The following MACC1 variants were observed in gnomAD, a reference collection of about 807,000 sequenced individuals.
MACC1 encodes MET transcriptional regulator MACC1.
A neutral mutation model predicts 70.7 loss-of-function variants in MACC1; 79 were observed. The observed-to-expected ratio is 1.12, with a 90% CI of 0.93 to 1.35. The LOEUF is 1.35. Among genes scored for constraint, MACC1 ranks in the 40% most tolerant of loss-of-function variants. The pLI is 0.00. For synonymous variants in MACC1, 361 were observed against 347.2 expected, an observed-to-expected ratio of 1.04 and a Z score of -0.44; for missense variants, 1,106 against 978.1, an observed-to-expected ratio of 1.13 and a Z score of -1.74.
chr7:20,168,153 A>G (rs1452229166), intron 2 of MACC1, among the ~76,000 whole-genome samples: 2 of 152,112 alleles, frequency 1.3e-5, no homozygotes, highest in African/African-American at 4.8e-5. Flanking sequence ...GCATGAACAT[A>G]CCCACAACAC....
intron 3 of MACC1, among the ~76,000 whole-genome samples, chr7:20,162,836 G>A (rs1009737162): frequency 1.4e-4 from 22 of 152,136 alleles, no homozygotes; most frequent in Non-Finnish European, 1.5e-5. Flanking sequence ...TTGGAAGATA[G>A]TCTAGAGATC....
intron 1 of MACC1, among the ~76,000 whole-genome samples, chr7:20,173,899 G>A (rs542449078): frequency 1.2e-4 from 19 of 152,280 alleles, no homozygotes; most frequent in African/African-American, 3.9e-4. Flanking sequence ...GAGCAGTTGC[G>A]TCACATGAGT....
chr7:20,166,530 A>ACTTT (rs1782222363), intron 2 of MACC1, among the ~76,000 whole-genome samples: 1 of 152,176 alleles, frequency 6.6e-6, no homozygotes, highest in Non-Finnish European at 1.5e-5. Flanking sequence ...ACACAAGCAT[A>ACTTT]CTTTCTCCCA....
At chr7:20,150,505 T>C (rs1375777356) in intron 6 of MACC1, 1 of 152,174 alleles carries the variant, frequency 6.6e-6, no homozygotes, top group Non-Finnish European at 1.5e-5. Flanking sequence ...GAATAGAAGA[T>C]ACAAAGGAGT....
In MACC1 at chr7:20,158,521, C is replaced by G. The variant is rs1463777115; in HGVS notation, c.1840G>C (p.Val614Leu). The change falls in exon 5 of 7, where the codon GTC becomes CTC. Residue 614 changes from valine (V) to leucine (L), a missense_variant. Transcript: ENST00000400331. Reference protein sequence around the residue: ...GKIGLVHCKNVKVISKEQVMF... With the variant: ...GKIGLVHCKNLKVISKEQVMF... ...ACTTGCTCCTTTGAAATCACCTTGA[C>G]ATTTTTGCAGTGTACAAGTCCAATC... 6.2e-7 allele frequency: 1 copy of G among 1,614,014 alleles called. No individual in the cohort carries two copies. Among genetic ancestry groups the G allele is most frequent in the East Asian group, 2.2e-5 (1 of 44,886 alleles).
chr7:20,191,803 A>C (rs1480673700), intron 1 of MACC1, among the ~76,000 whole-genome samples: 1 of 152,242 alleles, frequency 6.6e-6, no homozygotes, highest in Non-Finnish European at 1.5e-5. Context: ...AGAAACCTAC[A>C]ACACATAAAA....
intron 1 of MACC1, among the ~76,000 whole-genome samples, chr7:20,180,319 C>A (rs1205778291): frequency 6.6e-6 from 1 of 151,202 alleles, no homozygotes; most frequent in Non-Finnish European, 1.5e-5. Flanking sequence ...GGCACGTGCC[C>A]GTAGTCCCAG....
intron 1 of MACC1, among the ~76,000 whole-genome samples, chr7:20,171,430 AT>A (rs1289345959): frequency 6.8e-6 from 1 of 146,054 alleles, no homozygotes; most frequent in Non-Finnish European, 1.5e-5. Context: ...TTTTTTTTAT[AT>A]TTTTAGTAGA....
chr7:20,149,329 T>C (rs1583381905), intron 6 of MACC1, among the ~76,000 whole-genome samples: 2 of 152,202 alleles, frequency 1.3e-5, no homozygotes, highest in Admixed American at 1.3e-4. Flanking sequence ...AGTTATATAG[T>C]TATCAAATTC....
At chr7:20,207,659 C>T (rs923121969) in intron 1 of MACC1, among the ~76,000 whole-genome samples, 1 of 152,028 alleles carries the variant, frequency 6.6e-6, no homozygotes, top group Non-Finnish European at 1.5e-5. Flanking sequence ...TAGGTATTTT[C>T]ATCAATAAAC....
chr7:20,152,369 G>A (rs1182168292), intron 6 of MACC1, among the ~76,000 whole-genome samples: 1 of 152,086 alleles, frequency 6.6e-6, no homozygotes, highest in Non-Finnish European at 1.5e-5. Flanking sequence ...TACTTGAATT[G>A]TAAATTGATC....
intron 1 of MACC1, among the ~76,000 whole-genome samples, chr7:20,177,508 T>C (rs1782412245): frequency 6.6e-6 from 1 of 152,092 alleles, no homozygotes; most frequent in Non-Finnish European, 1.5e-5. Context: ...AGGTTATATT[T>C]TCTTAGGATT....
chr7:20,138,767 G>C lies in MACC1; in HGVS notation c.*2179C>G, dbSNP rs1781754735. The stretch of plus-strand genomic sequence containing the variant: ...GGCTCACTGCAAGCTCCGCCTCCCG[G>C]GTTCACGCCATTCTCCTGCCTCAGC... On this transcript the variant is annotated 3_prime_UTR_variant, in exon 7 of 7. Coordinates refer to ENST00000400331, the MANE Select transcript of MACC1 (RefSeq NM_182762.4). The C allele has an allele frequency of 6.6e-6, 1 of 151,830 alleles. No individual in the cohort carries two copies. The highest frequency in any genetic ancestry group is 2.4e-5 in the African/African-American group (1 of 41,328). The allele number at this position is 151,830 out of a possible 1,614,324, so 9.4% of individuals were successfully genotyped here. A position where few individuals can be genotyped will look rare whatever the true frequency, so the allele number is the denominator to read the frequency against.
chr7:20,170,096 C>T (rs1444942255), intron 2 of MACC1: 1 of 152,230 alleles, frequency 6.6e-6, no homozygotes, highest in African/African-American at 2.4e-5. Context: ...TGACTGGACT[C>T]ATCACAGCAG....
chr7:20,154,709 A>C (rs1249249485), intron 5 of MACC1, among the ~76,000 whole-genome samples: 1 of 152,198 alleles, frequency 6.6e-6, no homozygotes, highest in East Asian at 1.9e-4. Flanking sequence ...TTCCAATGGT[A>C]CTCTGAAGTT....
intron 2 of MACC1, among the ~76,000 whole-genome samples, chr7:20,168,108 A>G (rs1782248906): frequency 6.6e-6 from 1 of 152,170 alleles, no homozygotes; most frequent in Non-Finnish European, 1.5e-5. Context: ...TTTTATTTGA[A>G]TTCCCTACAG....
At position 20,188,160 on chromosome 7, in the gene MACC1, A is replaced by G. The variant is rs181619144; in HGVS notation, c.-217-17382T>C. ...CAGGAAAAACCATCCCCATGATTCAATTATCTCCACCTGGTTCCACTCTTG... is the reference window on the plus strand; with the variant it reads ...CAGGAAAAACCATCCCCATGATTCAGTTATCTCCACCTGGTTCCACTCTTG... On this transcript the variant is annotated intron_variant, in intron 1 of 6. Transcript: ENST00000400331. Among the ~76,000 whole-genome samples, 10 of 152,260 alleles carry G rather than the reference A, an allele frequency of 6.6e-5. No homozygotes were observed. In the East Asian group the frequency reaches 1.4e-3, roughly 21 times the overall value.
chr7:20,188,072 G>A (rs997980909), intron 1 of MACC1, among the ~76,000 whole-genome samples: 3 of 152,060 alleles, frequency 2.0e-5, no homozygotes, highest in Admixed American at 6.6e-5. Context: ...AGCAAAAAGG[G>A]GGAAAGCCCC....
rs1362648560 is a variant in MACC1 at position 20,156,926 on chromosome 7, A to C, written c.2157+1278T>G. ...TTCTACAGAGCACCAGCCTTTCACA[A>C]TTATAATATTTAATACAAATACCTA... On this transcript the variant is annotated intron_variant, in intron 5 of 6. Coordinates refer to ENST00000400331, the MANE Select transcript of MACC1 (RefSeq NM_182762.4). Among the ~76,000 whole-genome samples, 3 of 152,176 alleles carry C rather than the reference A, an allele frequency of 2.0e-5. No homozygotes were observed. The East Asian group carries it at 5.8e-4, about 29-fold the overall frequency.
Sources: allele counts gnomAD v4.1 joint callset (sites outside exome capture counted in the v4.1 genomes callset), GRCh38; gene constraint gnomAD v4.1.1; transcripts MANE v1.5; gene names NCBI Gene and HGNC (gene_info 2026-07-23, HGNC 2026-07-21).